The following GRIN2A variants were observed in gnomAD, a reference collection of about 807,000 sequenced individuals.
GRIN2A encodes glutamate receptor ionotropic, NMDA 2A.
GRIN2A carries 22 observed loss-of-function variants against 113.4 expected under a neutral mutation model. That is an observed-to-expected ratio of 0.19 (90% CI 0.14 to 0.28). The LOEUF is 0.28. Ranked by LOEUF, GRIN2A falls within the 10% of genes least tolerant of loss-of-function variation. GRIN2A has a pLI of 1.00. For missense variants in GRIN2A, 1,502 were observed against 1,887.0 expected, an observed-to-expected ratio of 0.80 and a Z score of 3.78; for synonymous variants, 827 against 738.4, an observed-to-expected ratio of 1.12 and a Z score of -1.94.
chr16:9,850,197 G>A (rs964413124), intron 4 of GRIN2A, among the ~76,000 whole-genome samples: 3 of 152,182 alleles, frequency 2.0e-5, no homozygotes, highest in Non-Finnish European at 4.4e-5. Flanking sequence ...CATCTCTGGA[G>A]GCAGTGCCCA....
At chr16:9,860,068 A>C (rs1323681664) in intron 4 of GRIN2A, among the ~76,000 whole-genome samples, 5 of 151,934 alleles carry the variant, frequency 3.3e-5, no homozygotes, top group Non-Finnish European at 2.9e-5. Context: ...GAAGTGAGAC[A>C]AATGCTATGC....
intron 2 of GRIN2A, among the ~76,000 whole-genome samples, chr16:10,132,340 CAAAAAAAA>C (rs71402435): frequency 1.6e-5 from 1 of 61,630 alleles, no homozygotes; most frequent in African/African-American, 5.9e-5. Flanking sequence ...GACACCGTCT[CAAAAAAAA>C]AAAAAAAAAA....
At chr16:10,181,167 T>TCACTCAACTGCAAGTGGGCCCAGGACC (rs59151958) in intron 1 of GRIN2A, among the ~76,000 whole-genome samples, 148,944 of 151,926 alleles carry the variant, frequency 0.98, 73,077 homozygotes, top group East Asian at 1. Context: ...GGAGAGTCCT[T>TCACTCAACTGCAAGTGGGCCCAGGACC]CACCCCTACA....
In GRIN2A at chr16:9,758,727, T is replaced by C. The variant is rs938958533; in HGVS notation, c.*4422A>G. 4.6e-6 allele frequency: 1 copy of C among 215,234 alleles called. No homozygotes were observed. The highest frequency in any genetic ancestry group is 2.3e-5 in the African/African-American group (1 of 44,408). The allele number at this position is 215,234 out of a possible 1,614,324, so 13.3% of individuals were successfully genotyped here. A position where few individuals can be genotyped will look rare whatever the true frequency, so the allele number is the denominator to read the frequency against. On this transcript the variant is annotated 3_prime_UTR_variant, in exon 13 of 13. Coordinates refer to ENST00000330684, the MANE Select transcript of GRIN2A (RefSeq NM_001134407.3). ...GCTGACCTCATCTGATACAATTAGATATGAACACAGTACAATGTATAGGGA... is the reference window on the plus strand; with the variant it reads ...GCTGACCTCATCTGATACAATTAGACATGAACACAGTACAATGTATAGGGA...
intron 2 of GRIN2A, among the ~76,000 whole-genome samples, chr16:10,141,436 C>G (rs1228296552): frequency 6.6e-6 from 1 of 151,864 alleles, no homozygotes; most frequent in Non-Finnish European, 1.5e-5. Context: ...TGCAGTGAGC[C>G]GAGATCATGC....
chr16:10,033,341 G>A (rs1596445938), intron 2 of GRIN2A, among the ~76,000 whole-genome samples: 1 of 152,258 alleles, frequency 6.6e-6, no homozygotes, highest in East Asian at 1.9e-4. Context: ...GGATACCAAG[G>A]TAAACCCAGG....
intron 9 of GRIN2A, among the ~76,000 whole-genome samples, chr16:9,828,585 T>C (rs1000207253): frequency 6.6e-6 from 1 of 152,186 alleles, no homozygotes; most frequent in Admixed American, 6.5e-5. Flanking sequence ...ATCTCAACAC[T>C]TGCTGAGCTT....
Position 9,763,429 on chromosome 16 carries a change from C to G in GRIN2A, c.4115G>C (p.Arg1372Thr), listed in dbSNP as rs1900686043. 2 of 1,614,048 alleles carry G rather than the reference C, an allele frequency of 1.2e-6. No homozygotes were observed. Among genetic ancestry groups the G allele is most frequent in the Non-Finnish European group, 1.7e-6 (2 of 1,179,968 alleles). Reference protein sequence around the residue: ...TSDNPFLHSHRDDQRLVIGRC... With the variant: ...TSDNPFLHSHTDDQRLVIGRC... The stretch of plus-strand genomic sequence containing the variant: ...CCCAATAACCAAGCGTTGGTCATCC[C>G]TGTGGGAGTGGAGGAAAGGGTTATC... Residue 1372 changes from arginine (R) to threonine (T), a missense_variant, in exon 13 of 13, where the codon AGG (arginine) becomes ACG (threonine). Physicochemically the swap from Arg to Thr is moderately conservative, Grantham distance 71 (BLOSUM62 -1). Around this residue, in one of 7 missense-constraint regions of GRIN2A, gnomAD observed 832 missense variants for 789.7 expected, o/e 1.05. Coordinates refer to ENST00000330684, the MANE Select transcript of GRIN2A (RefSeq NM_001134407.3).
At position 10,032,281 on chromosome 16, in the gene GRIN2A, T is replaced by C. The variant is rs577788291; in HGVS notation, c.415-93730A>G. ...TAACGATGGCTATGCCAGAGAGACATGGGAGACTTCAATGACATAAAATGG... is the reference window on the plus strand; with the variant it reads ...TAACGATGGCTATGCCAGAGAGACACGGGAGACTTCAATGACATAAAATGG... On this transcript the variant is annotated intron_variant, in intron 2 of 12. Coordinates refer to ENST00000330684, the MANE Select transcript of GRIN2A (RefSeq NM_001134407.3). 2.0e-5 allele frequency among the ~76,000 whole-genome samples: 3 copies of C among 152,314 alleles called. No homozygotes were observed. The South Asian group carries it at 6.2e-4, about 32-fold the overall frequency.
intron 3 of GRIN2A, among the ~76,000 whole-genome samples, chr16:9,933,968 G>A (rs182530183): frequency 2.6e-5 from 4 of 152,344 alleles, no homozygotes; most frequent in African/African-American, 7.2e-5. Flanking sequence ...TTGAAAGTAC[G>A]AACACATGTA....
chr16:10,054,785 C>T (rs1021509355), intron 2 of GRIN2A, among the ~76,000 whole-genome samples: 4 of 151,896 alleles, frequency 2.6e-5, no homozygotes, highest in African/African-American at 4.8e-5. Context: ...CAGTGGCTTA[C>T]GCCTGTAAGC....
At chr16:10,105,491 TAA>T (rs5815559) in intron 2 of GRIN2A, among the ~76,000 whole-genome samples, 6 of 147,760 alleles carry the variant, frequency 4.1e-5, no homozygotes, top group Admixed American at 6.7e-5. Context: ...GAAAACCATG[TAA>T]AAAAAAAAAA....
At chr16:9,819,209 A>T (rs2042237127) in intron 10 of GRIN2A, among the ~76,000 whole-genome samples, 1 of 152,062 alleles carries the variant, frequency 6.6e-6, no homozygotes, top group Non-Finnish European at 1.5e-5. Flanking sequence ...GACGTATATA[A>T]ATATCTTATC....
chr16:9,937,736 G>C, intron 3 of GRIN2A: 1 of 575,042 alleles, frequency 1.7e-6, no homozygotes, highest in East Asian at 2.9e-5. Flanking sequence ...ATATATTGTT[G>C]AGTAGAAAAA....
chr16:10,069,188 G>A (rs775726319), intron 2 of GRIN2A, among the ~76,000 whole-genome samples: 14 of 152,226 alleles, frequency 9.2e-5, no homozygotes, highest in Non-Finnish European at 1.9e-4. Context: ...AGGGAGACCA[G>A]TGGAGGCTGC....
intron 2 of GRIN2A, among the ~76,000 whole-genome samples, chr16:10,029,446 G>A (rs186916211): frequency 1.8e-4 from 28 of 152,152 alleles, no homozygotes; most frequent in Non-Finnish European, 3.2e-4. Context: ...CTCCCGCCTC[G>A]GCCTCCCGAA....
At position 9,938,387 on chromosome 16, in the gene GRIN2A, G is replaced by A. The variant is rs981166445; in HGVS notation, c.579C>T (p.Asn193=). Residue 193 remains asparagine (N), a synonymous_variant, in exon 3 of 13, where the codon AAC becomes AAT. Transcript: ENST00000330684. The part of the protein sequence containing the change: ...FISFVKTTVD[N]SFVGWDMQNV... ...TCTGCATGTCCCAGCCCACAAAGCT[G>A]TTGTCCACTGTGGTCTTGACGAAGC... The A allele has an allele frequency of 1.2e-6, 2 of 1,614,138 alleles. No homozygotes were observed. The highest frequency in any genetic ancestry group is 1.7e-6 in the Non-Finnish European group (2 of 1,179,994).
At chr16:9,946,821 T>A (rs1028119264) in intron 2 of GRIN2A, among the ~76,000 whole-genome samples, 7 of 152,208 alleles carry the variant, frequency 4.6e-5, no homozygotes, top group Admixed American at 2.0e-4. Flanking sequence ...TATACCATCC[T>A]AAGAAGAAAG....
intron 2 of GRIN2A, among the ~76,000 whole-genome samples, chr16:10,024,889 G>C (rs1460660417): frequency 6.6e-6 from 1 of 152,086 alleles, no homozygotes; most frequent in Non-Finnish European, 1.5e-5. Flanking sequence ...CATTTTTTGA[G>C]CAAATAAAAT....
Sources: gnomAD v4.1 joint callset for allele counts (sites outside exome capture counted in the v4.1 genomes callset) on GRCh38, gnomAD v4.1.1 for gene constraint, gnomAD v4.1.1 regional missense constraint, MANE v1.5 for transcripts, NCBI Gene and HGNC (gene_info 2026-07-23, HGNC 2026-07-21) for gene names.